Variants in SLC5A3 observed in about 807,000 individuals in gnomAD.
SLC5A3 encodes sodium/myo-inositol cotransporter.
SLC5A3 carries 10 observed loss-of-function variants against 43.2 expected under a neutral mutation model. The ratio of observed to expected loss-of-function variants is 0.23; its 90% CI spans 0.14 to 0.39. The LOEUF (loss-of-function observed/expected upper bound fraction) is 0.39. Among genes scored for constraint, SLC5A3 ranks in the 10% least tolerant of loss-of-function variants. The pLI is 1.00. For synonymous variants in SLC5A3, 349 were observed against 322.0 expected, an observed-to-expected ratio of 1.08 and a Z score of -0.90; for missense variants, 608 against 893.4, an observed-to-expected ratio of 0.68 and a Z score of 4.07.
chr21:34,082,850 T>C (rs910904999), intron 1 of SLC5A3, among the ~76,000 whole-genome samples: 5 of 152,242 alleles, frequency 3.3e-5, no homozygotes, highest in Non-Finnish European at 7.3e-5. Flanking sequence ...TGACTTGTTT[T>C]GCTTCCCCTT....
In SLC5A3 at chr21:34,076,016, C is replaced by G. The variant is rs566185248; in HGVS notation, c.-337+2271C>G. 3.8e-4 allele frequency among the ~76,000 whole-genome samples: 58 copies of G among 152,314 alleles called. 2 individuals are homozygous for G. In the South Asian group the frequency reaches 9.1e-3, roughly 24 times the overall value. ...TCCTCAGTTCAAAGTTGCGTATCTT[C>G]CACGTTTTTAGATTCTTAAGTGTAT... On this transcript the variant is annotated intron_variant, in intron 1 of 1. Transcript: ENST00000381151.
chr21:34,098,585 A>C lies in SLC5A3; in HGVS notation c.*1230A>C. ...GTCGGTAACAGAAAACTCAGTGCATACTTTGCTGTTGTTAGGTTGTCAATA... is the reference window on the plus strand; with the variant it reads ...GTCGGTAACAGAAAACTCAGTGCATCCTTTGCTGTTGTTAGGTTGTCAATA... On this transcript the variant is annotated 3_prime_UTR_variant, in exon 2 of 2. Coordinates refer to ENST00000381151, the MANE Select transcript of SLC5A3 (RefSeq NM_006933.7). 1.0e-6 allele frequency: 1 copy of C among 1,000,254 alleles called. No homozygotes were observed. The highest frequency in any genetic ancestry group is 1.2e-6 in the Non-Finnish European group (1 of 829,990). The allele number at this position is 1,000,254 out of a possible 1,614,324, so 62.0% of individuals were successfully genotyped here.
In SLC5A3 at chr21:34,097,346, C is replaced by G; in HGVS notation, c.2148C>G (p.Phe716Leu). 1.2e-6 allele frequency: 2 copies of G among 1,600,544 alleles called. No homozygotes were observed. Among genetic ancestry groups the G allele is most frequent in the Non-Finnish European group, 1.7e-6 (2 of 1,173,582 alleles). ...TTGGAATTTTCATGTTTGTTTATTT[C>G]TCCTTATGAACTTAAGGATATGGTG... Reference protein sequence around the residue: ...CSLGIFMFVYFSL With the variant: ...CSLGIFMFVYLSL Residue 716 changes from phenylalanine (F) to leucine (L), a missense_variant, in exon 2 of 2, where the codon TTC (phenylalanine) becomes TTG (leucine). Transcript: ENST00000381151.
chr21:34,099,296 A>T lies in SLC5A3; in HGVS notation c.*1941A>T, dbSNP rs373251429. The T allele has an allele frequency of 1.0e-6, 1 of 1,000,242 alleles. No homozygotes were observed. 62.0% of individuals were successfully genotyped at this position (1,000,242 alleles called of 1,614,324 possible). On this transcript the variant is annotated 3_prime_UTR_variant, in exon 2 of 2. Coordinates refer to ENST00000381151, the MANE Select transcript of SLC5A3 (RefSeq NM_006933.7). ...TTGAGGCTGCGACATGTCCAAGGTT[A>T]TGAAGTCTCTTTTGGGAAGAACAGA...
At chr21:34,075,835 A>G (rs1054920663) in intron 1 of SLC5A3, among the ~76,000 whole-genome samples, 62 of 152,176 alleles carry the variant, frequency 4.1e-4, no homozygotes, top group African/African-American at 1.5e-3. Context: ...CTAAAATAGG[A>G]TGAATGTTTG....
chr21:34,081,290 C>T (rs563034956), intron 1 of SLC5A3, among the ~76,000 whole-genome samples: 2 of 152,074 alleles, frequency 1.3e-5, no homozygotes, highest in Admixed American at 6.6e-5. Flanking sequence ...TCCAGGTCAT[C>T]GATTCCATTC....
In SLC5A3 at chr21:34,101,648, C is replaced by T. The variant is rs1253391701; in HGVS notation, c.*4293C>T. 11 of 1,000,082 alleles carry T rather than the reference C, an allele frequency of 1.1e-5. No individual in the cohort carries two copies. Among genetic ancestry groups the T allele is most frequent in the African/African-American group, 1.7e-5 (1 of 57,304 alleles). 62.0% of individuals were successfully genotyped at this position (1,000,082 alleles called of 1,614,324 possible). A position where few individuals can be genotyped will look rare whatever the true frequency, so the allele number is the denominator to read the frequency against. ...ATTCAAATTTTGATTTTTTTGTCAG[C>T]TTAGTTCACTTTAAGGCATATTGGC... On this transcript the variant is annotated 3_prime_UTR_variant, in exon 2 of 2. Transcript: ENST00000381151.
chr21:34,084,449 A>G (rs986601274), intron 1 of SLC5A3, among the ~76,000 whole-genome samples: 11 of 152,184 alleles, frequency 7.2e-5, no homozygotes, highest in Non-Finnish European at 1.6e-4. Context: ...TAAACCTCAT[A>G]GTTGCTAGCC....
rs1394815306 is a variant in SLC5A3 at position 34,073,682 on chromosome 21, A to G, written c.-400A>G. 12 of 1,515,668 alleles carry G rather than the reference A, an allele frequency of 7.9e-6. No individual in the cohort carries two copies. Among genetic ancestry groups the G allele is most frequent in the Non-Finnish European group, 9.8e-6 (11 of 1,124,436 alleles). The allele number at this position is 1,515,668 out of a possible 1,614,324, so 93.9% of individuals were successfully genotyped here. A position where few individuals can be genotyped will look rare whatever the true frequency, so the allele number is the denominator to read the frequency against. Reference sequence around the variant, plus strand: ...GGGAACCGGCTGGCTTCCGAGCCGCACTCGCCGATCCTCCAGGCATGCCCC... The same window carrying G: ...GGGAACCGGCTGGCTTCCGAGCCGCGCTCGCCGATCCTCCAGGCATGCCCC... On this transcript the variant is annotated 5_prime_UTR_variant, in exon 1 of 2. Transcript: ENST00000381151.
intron 1 of SLC5A3, among the ~76,000 whole-genome samples, chr21:34,093,615 C>T (rs1195915377): frequency 1.3e-5 from 2 of 151,900 alleles, no homozygotes; most frequent in Admixed American, 6.5e-5. Context: ...ACATTCTTCT[C>T]TGAGGTTGCC....
At chr21:34,086,635 A>G (rs955802081) in intron 1 of SLC5A3, among the ~76,000 whole-genome samples, 2 of 151,842 alleles carry the variant, frequency 1.3e-5, no homozygotes, top group Non-Finnish European at 2.9e-5. Flanking sequence ...GATCCTCTCA[A>G]ATGTCCTCAG....
At position 34,105,178 on chromosome 21, in the gene SLC5A3, T is replaced by G; in HGVS notation, c.*7823T>G. 2 of 1,000,292 alleles carry G rather than the reference T, an allele frequency of 2.0e-6. No homozygotes were observed. Among genetic ancestry groups the G allele is most frequent in the Non-Finnish European group, 2.4e-6 (2 of 829,964 alleles). The allele number at this position is 1,000,292 out of a possible 1,614,324, so 62.0% of individuals were successfully genotyped here. The stretch of plus-strand genomic sequence containing the variant: ...TTCCCCCACTGTTACTGCTTCAGTT[T>G]ATAGATTGCCAGCAGAGTTCAGAAA... On this transcript the variant is annotated 3_prime_UTR_variant, in exon 2 of 2. Coordinates refer to ENST00000381151, the MANE Select transcript of SLC5A3 (RefSeq NM_006933.7).
chr21:34,100,976 C>T lies in SLC5A3; in HGVS notation c.*3621C>T. 1.0e-6 allele frequency: 1 copy of T among 1,000,062 alleles called. No homozygotes were observed. Among genetic ancestry groups the T allele is most frequent in the Non-Finnish European group, 1.2e-6 (1 of 829,914 alleles). 61.9% of individuals were successfully genotyped at this position (1,000,062 alleles called of 1,614,324 possible). A position where few individuals can be genotyped will look rare whatever the true frequency, so the allele number is the denominator to read the frequency against. ...TATGATGATTCTCCTGGCTCATTTTCATCAGAGGCATGATGACTGGAAAGG... is the reference window on the plus strand; with the variant it reads ...TATGATGATTCTCCTGGCTCATTTTTATCAGAGGCATGATGACTGGAAAGG... On this transcript the variant is annotated 3_prime_UTR_variant, in exon 2 of 2. Coordinates refer to ENST00000381151, the MANE Select transcript of SLC5A3 (RefSeq NM_006933.7).
intron 1 of SLC5A3, among the ~76,000 whole-genome samples, chr21:34,079,501 TC>T (rs1989410369): frequency 6.6e-6 from 1 of 151,954 alleles, no homozygotes; most frequent in Non-Finnish European, 1.5e-5. Flanking sequence ...AGTGGCACGA[TC>T]TCGGCTCACT....
chr21:34,083,752 A>G (rs887177456), intron 1 of SLC5A3, among the ~76,000 whole-genome samples: 10 of 152,360 alleles, frequency 6.6e-5, no homozygotes, highest in African/African-American at 1.9e-4. Flanking sequence ...TGGGAATGCC[A>G]TTCTCATGTG....
Position 34,096,981 on chromosome 21 carries a change from A to C in SLC5A3, c.1783A>C (p.Ile595Leu), listed in dbSNP as rs760955268. The C allele has an allele frequency of 6.2e-7, 1 of 1,614,116 alleles. No individual in the cohort carries two copies. Among genetic ancestry groups the C allele is most frequent in the Admixed American group, 1.7e-5 (1 of 60,028 alleles). Residue 595 changes from isoleucine (I) to leucine (L), a missense_variant, in exon 2 of 2, where the codon ATT becomes CTT. Around this residue, in one of 2 missense-constraint regions of SLC5A3, gnomAD observed 210 missense variants for 224.8 expected, o/e 0.93. Transcript: ENST00000381151. The surrounding 1 kb of genome is among the most constrained non-coding windows in gnomAD (Gnocchi z 5.9). Reference protein sequence around the residue: ...IIPNGKSEDSIKGLQPEDVNL... With the variant: ...IIPNGKSEDSLKGLQPEDVNL... ...TCCCAACGGGAAATCTGAAGACAGC[A>C]TTAAGGGCCTTCAGCCTGAAGATGT...
Position 34,099,784 on chromosome 21 carries a change from G to A in SLC5A3, c.*2429G>A, listed in dbSNP as rs1002257983. The A allele has an allele frequency of 7.4e-6, 6 of 812,244 alleles. No homozygotes were observed. The highest frequency in any genetic ancestry group is 9.1e-6 in the Non-Finnish European group (6 of 659,234). 50.3% of individuals were successfully genotyped at this position (812,244 alleles called of 1,614,324 possible). On this transcript the variant is annotated 3_prime_UTR_variant, in exon 2 of 2. Transcript: ENST00000381151. ...GTCTGTAAATAAGGAATGACTATTA[G>A]CATATTCATTAGAATTGTTTATTCT...
In SLC5A3 at chr21:34,097,414, A is replaced by AG; in HGVS notation, c.*59_*60insG. 2 of 1,357,820 alleles carry AG rather than the reference A, an allele frequency of 1.5e-6. No individual in the cohort carries two copies. The highest frequency in any genetic ancestry group is 9.4e-7 in the Non-Finnish European group (1 of 1,064,088). The allele number at this position is 1,357,820 out of a possible 1,614,324, so 84.1% of individuals were successfully genotyped here. A position where few individuals can be genotyped will look rare whatever the true frequency, so the allele number is the denominator to read the frequency against. On this transcript the variant is annotated 3_prime_UTR_variant, in exon 2 of 2. Coordinates refer to ENST00000381151, the MANE Select transcript of SLC5A3 (RefSeq NM_006933.7). Reference sequence around the variant, plus strand: ...AATACTGACTGGTCTTTGGGGAAAAAAGTTATGTAACTGTGCATCTCTCAG... The same window carrying AG: ...AATACTGACTGGTCTTTGGGGAAAAAGAGTTATGTAACTGTGCATCTCTCAG...
chr21:34,081,361 GAATAAAATACTT>G (rs1319272641), intron 1 of SLC5A3, among the ~76,000 whole-genome samples: 1 of 152,146 alleles, frequency 6.6e-6, no homozygotes, highest in African/African-American at 2.4e-5. Flanking sequence ...TTTATGTGTT[GAATAAAATACTT>G]AATAAAATAC....
Sources: allele counts gnomAD v4.1 joint callset (sites outside exome capture counted in the v4.1 genomes callset), GRCh38; gene constraint gnomAD v4.1.1; regional missense constraint gnomAD v4.1.1; non-coding constraint Gnocchi (gnomAD v3.1); transcripts MANE v1.5; gene names NCBI Gene and HGNC (gene_info 2026-07-23, HGNC 2026-07-21).